The following THSD7B variants were observed in gnomAD, a reference collection of about 807,000 sequenced individuals.
THSD7B encodes thrombospondin type-1 domain-containing protein 7B.
Under a neutral mutation model 213.6 loss-of-function variants are expected in THSD7B, and 138 were observed. The ratio of observed to expected loss-of-function variants is 0.65; its 90% CI spans 0.56 to 0.74. The LOEUF is 0.74. THSD7B is among the 30% of genes least tolerant of loss of function. The pLI is 0.00. For synonymous variants in THSD7B, 742 were observed against 687.0 expected, an observed-to-expected ratio of 1.08 and a Z score of -1.25; for missense variants, 1,931 against 1,991.5, an observed-to-expected ratio of 0.97 and a Z score of 0.58.
chr2:136,970,179 A>T (rs1685381552), intron 2 of THSD7B, among the ~76,000 whole-genome samples: 1 of 152,126 alleles, frequency 6.6e-6, no homozygotes, highest in Non-Finnish European at 1.5e-5. Context: ...AAAGTAGAGG[A>T]ATGGCCAGGC....
chr2:137,126,448 T>TCCCCCCCCCCCCCCCCC (rs1573838804), intron 5 of THSD7B, among the ~76,000 whole-genome samples: 1 of 151,506 alleles, frequency 6.6e-6, no homozygotes, highest in Non-Finnish European at 1.5e-5. Context: ...TTTGAAGGTT[T>TCCCCCCCCCCCCCCCCC]CCCCCACCCC....
intron 9 of THSD7B, among the ~76,000 whole-genome samples, chr2:137,234,189 C>T (rs1681709160): frequency 6.6e-6 from 1 of 152,228 alleles, no homozygotes; most frequent in Admixed American, 6.5e-5. Context: ...CAAATCCTGG[C>T]AGCACTGAAC....
intron 15 of THSD7B, among the ~76,000 whole-genome samples, chr2:137,535,362 G>T (rs898947513): frequency 6.6e-6 from 1 of 151,344 alleles, no homozygotes; most frequent in African/African-American, 2.4e-5. Flanking sequence ...TTATATTAAC[G>T]GTCAGTGATA....
At chr2:136,899,365 A>G (rs16837378) in intron 2 of THSD7B, among the ~76,000 whole-genome samples, 16,434 of 152,174 alleles carry the variant, frequency 0.11, 1,089 homozygotes, top group Middle Eastern at 0.17. Flanking sequence ...GGTGCATGAT[A>G]AATATTTATT....
chr2:137,245,541 T>TC (rs1682009817), intron 10 of THSD7B, among the ~76,000 whole-genome samples: 1 of 152,072 alleles, frequency 6.6e-6, no homozygotes, highest in Admixed American at 6.6e-5. Flanking sequence ...TACTGTAGAC[T>TC]CCCCCATCCT....
rs1352274279 is a variant in THSD7B at position 137,411,590 on chromosome 2, A to T, written c.2696-19A>T. 1 of 1,594,012 alleles carries T rather than the reference A, an allele frequency of 6.3e-7. No individual in the cohort carries two copies. Among genetic ancestry groups the T allele is most frequent in the Non-Finnish European group, 8.6e-7 (1 of 1,168,792 alleles). On this transcript the variant is annotated intron_variant, in intron 13 of 27. Transcript: ENST00000409968. ...CAGCAGATAAGCATTTAATATCTTA[A>T]TGTCTCTTGTTGGAACAGGGAAAAG...
At chr2:137,213,166 A>G (rs898282659) in intron 7 of THSD7B, among the ~76,000 whole-genome samples, 2 of 151,518 alleles carry the variant, frequency 1.3e-5, no homozygotes, top group Non-Finnish European at 2.9e-5. Context: ...ACAACCATGT[A>G]CCCTTTGGTC....
chr2:137,338,031 T>A (rs187187012), intron 12 of THSD7B, among the ~76,000 whole-genome samples: 1 of 152,100 alleles, frequency 6.6e-6, no homozygotes. Context: ...GTATTTTCAT[T>A]CTTAATGCTT....
chr2:137,265,961 A>G (rs1260609434), intron 10 of THSD7B, among the ~76,000 whole-genome samples: 1 of 152,168 alleles, frequency 6.6e-6, no homozygotes, highest in East Asian at 1.9e-4. Context: ...TTGCCTTGCA[A>G]TTGTAGTTTA....
intron 2 of THSD7B, among the ~76,000 whole-genome samples, chr2:136,951,649 TAAAGA>T (rs1395581015): frequency 1.3e-5 from 2 of 152,238 alleles, no homozygotes; most frequent in Non-Finnish European, 2.9e-5. Context: ...CTACCAGAGG[TAAAGA>T]ATAGTATTCT....
intron 3 of THSD7B, among the ~76,000 whole-genome samples, chr2:137,065,291 T>C (rs188448424): frequency 8.6e-4 from 131 of 152,182 alleles, no homozygotes; most frequent in African/African-American, 3.0e-3. Context: ...TGGGATTACT[T>C]TTTCATTTCT....
intron 2 of THSD7B, among the ~76,000 whole-genome samples, chr2:136,952,434 C>CTT (rs35848268): frequency 0.093 from 11,617 of 125,500 alleles, 951 homozygotes; most frequent in Non-Finnish European, 0.14. Context: ...GGGCAGAAAA[C>CTT]TTTTTTTTTT....
chr2:137,573,072 A>G (rs897540984), intron 17 of THSD7B, among the ~76,000 whole-genome samples: 6 of 152,144 alleles, frequency 3.9e-5, no homozygotes, highest in East Asian at 1.9e-4. Context: ...TTAAAAAAAA[A>G]AAAAACTAAA....
chr2:136,836,177 A>G (rs866398452), intron 1 of THSD7B, among the ~76,000 whole-genome samples: 3 of 152,330 alleles, frequency 2.0e-5, no homozygotes, highest in African/African-American at 2.4e-5. Context: ...TATTTAACAC[A>G]TATTTATTCA....
chr2:137,315,469 T>C (rs566027103), intron 12 of THSD7B, among the ~76,000 whole-genome samples: 7 of 152,298 alleles, frequency 4.6e-5, no homozygotes, highest in South Asian at 4.1e-4. Flanking sequence ...ACCCGTCTTC[T>C]GCGTCGCTCA....
At chr2:137,551,475 G>C (rs1286457896) in intron 15 of THSD7B, among the ~76,000 whole-genome samples, 1 of 152,074 alleles carries the variant, frequency 6.6e-6, no homozygotes, top group Non-Finnish European at 1.5e-5. Flanking sequence ...CAAGGTTTAG[G>C]ATGTGAAATG....
intron 12 of THSD7B, among the ~76,000 whole-genome samples, chr2:137,323,214 AG>A (rs1684298726): frequency 6.6e-6 from 1 of 152,220 alleles, no homozygotes; most frequent in Non-Finnish European, 1.5e-5. Context: ...AAGAGTATAA[AG>A]ACAGTACAGT....
chr2:137,146,513 T>C (rs1391650205), intron 5 of THSD7B, among the ~76,000 whole-genome samples: 1 of 152,154 alleles, frequency 6.6e-6, no homozygotes, highest in Non-Finnish European at 1.5e-5. Flanking sequence ...AAACTGGAGA[T>C]ACTAGTAGTA....
In THSD7B at chr2:137,373,649, G is replaced by C. The variant is rs574218457; in HGVS notation, c.2501-31964G>C. ...AAAATTTTCTCCCATTTTGTAGGTT[G>C]CCTGTTCACTCTGATGGTAGTTTCT... On this transcript the variant is annotated intron_variant, in intron 12 of 27. Coordinates refer to ENST00000409968, the MANE Select transcript of THSD7B (RefSeq NM_001316349.2). Among the ~76,000 whole-genome samples, 3 of 152,254 alleles carry C rather than the reference G, an allele frequency of 2.0e-5. No homozygotes were observed. In the East Asian group the frequency reaches 5.8e-4, roughly 29 times the overall value.
Sources: gnomAD v4.1 joint callset for allele counts (sites outside exome capture counted in the v4.1 genomes callset) on GRCh38, gnomAD v4.1.1 for gene constraint, MANE v1.5 for transcripts, NCBI Gene and HGNC (gene_info 2026-07-23, HGNC 2026-07-21) for gene names.